Variants in STK38 observed in about 807,000 individuals in gnomAD.
The protein encoded by STK38 is serine/threonine kinase 38.
In STK38, 26 loss-of-function variants were observed where a neutral mutation model predicts 59.0. The ratio of observed to expected loss-of-function variants is 0.44; its 90% CI spans 0.32 to 0.61. The LOEUF (loss-of-function observed/expected upper bound fraction) is 0.61, where lower values mean the gene tolerates loss of function less well. STK38 is among the 20% of genes least tolerant of loss of function. The probability of loss-of-function intolerance (pLI) is 0.04; values close to 1 mark genes in which losing one functional copy is unlikely to be tolerated. For missense variants in STK38, 433 were observed against 566.0 expected (o/e 0.76, Z 2.38); for synonymous variants, 175 against 176.6 (o/e 0.99, Z 0.07).
rs770056422 is a variant in STK38, at chr6:36,540,073, T to C, written c.130A>G (p.Arg44Gly). ...LIAQHEEREM[R>G]QKKLEKVMEE... ...ATTTTTTCAAACAAAATTCTTTACC[T>C]CATTTCTCGTTCTTCATGTTGAGCG... Residue 44 changes from arginine (R) to glycine (G), a missense_variant and splice_region_variant, in exon 2 of 14, where the codon AGA (arginine) becomes GGA (glycine). Around this residue, in one of 3 missense-constraint regions of STK38, gnomAD observed 293 missense variants for 388.2 expected, o/e 0.75. Coordinates refer to ENST00000229812, the MANE Select transcript of STK38 (RefSeq NM_007271.4). The C allele has an allele frequency of 6.2e-7, 1 of 1,613,650 alleles. No individual in the cohort carries two copies. Among genetic ancestry groups the C allele is most frequent in the Non-Finnish European group, 8.5e-7 (1 of 1,179,768 alleles).
chr6:36,534,659 A>G (rs1212255134), intron 2 of STK38, among the ~76,000 whole-genome samples: 1 of 152,150 alleles, frequency 6.6e-6, no homozygotes, highest in Non-Finnish European at 1.5e-5. Flanking sequence ...TCTAAAAAAA[A>G]ACAATAAAAA....
chr6:36,541,548 C>T (rs1405422172), intron 1 of STK38, among the ~76,000 whole-genome samples: 10 of 152,130 alleles, frequency 6.6e-5, no homozygotes, highest in Admixed American at 6.5e-4. Flanking sequence ...TGAATATACA[C>T]AATAGAATTA....
intron 2 of STK38, among the ~76,000 whole-genome samples, chr6:36,536,937 T>A (rs1777806407): frequency 6.6e-6 from 1 of 151,464 alleles, no homozygotes; most frequent in Non-Finnish European, 1.5e-5. Flanking sequence ...ATTTCATCAA[T>A]ATTTAAAACC....
chr6:36,542,729 G>C (rs1777968696), intron 1 of STK38, among the ~76,000 whole-genome samples: 2 of 152,098 alleles, frequency 1.3e-5, no homozygotes, highest in Non-Finnish European at 2.9e-5. Context: ...CGAATCATCT[G>C]AGGTCAGGAG....
chr6:36,515,720 T>C (rs1777235393), intron 6 of STK38, among the ~76,000 whole-genome samples: 1 of 152,232 alleles, frequency 6.6e-6, no homozygotes. Context: ...TAAGCTGTGA[T>C]TTCTATTTTA....
Position 36,525,590 on chromosome 6 carries a change from C to A in STK38, c.183+1G>T. ...AGGAAAACATTGCCAATATTAATTA[C>A]CTCCTCATCTTTTAGGCCTTCTTCT... is the stretch of plus-strand genomic sequence containing the variant. On this transcript the variant is annotated splice_donor_variant, in intron 3 of 13. Transcript: ENST00000229812. LOFTEE classifies it high-confidence loss of function. 6.3e-7 allele frequency: 1 copy of A among 1,580,536 alleles called. No individual in the cohort carries two copies. Among genetic ancestry groups the A allele is most frequent in the Non-Finnish European group, 8.7e-7 (1 of 1,149,978 alleles).
intron 12 of STK38, 122 bp downstream of exon 12, chr6:36,497,658 A>T: frequency 1.3e-6 from 1 of 745,260 alleles, no homozygotes; most frequent in South Asian, 1.7e-5. Context: ...TCAGGAAAAG[A>T]CCCTAAATCT....
intron 11 of STK38, 57 bp downstream of exon 11, chr6:36,498,306 A>T: frequency 6.4e-7 from 1 of 1,572,248 alleles, no homozygotes; most frequent in Non-Finnish European, 8.6e-7. Context: ...TTTTAAAAAA[A>T]TGGAATCATT....
intron 1 of STK38, among the ~76,000 whole-genome samples, chr6:36,544,412 C>G (rs1159242542): frequency 1.3e-5 from 2 of 151,980 alleles, no homozygotes; most frequent in Non-Finnish European, 2.9e-5. Context: ...CTGTACCCCC[C>G]CCTCCACCCA....
intron 2 of STK38, among the ~76,000 whole-genome samples, chr6:36,538,508 C>G (rs1007554994): frequency 6.6e-6 from 1 of 152,142 alleles, no homozygotes; most frequent in African/African-American, 2.4e-5. Context: ...AAATTTTACA[C>G]CCTTCCCCAA....
In STK38 at chr6:36,495,224, A is replaced by C. The variant is rs1478563132; in HGVS notation, c.*560T>G. 2 of 153,818 alleles carry C rather than the reference A, an allele frequency of 1.3e-5. No individual in the cohort carries two copies. Among genetic ancestry groups the C allele is most frequent in the African/African-American group, 4.8e-5 (2 of 41,398 alleles). 9.5% of individuals were successfully genotyped at this position (153,818 alleles called of 1,614,324 possible). On this transcript the variant is annotated 3_prime_UTR_variant, in exon 14 of 14. Transcript: ENST00000229812. The stretch of plus-strand genomic sequence containing the variant: ...GCACCATGAATGGAGGCTATAAGCC[A>C]CTCGCCTGAGGCTGAGGTATGGGTA...
chr6:36,534,526 A>G (rs1010951590), intron 2 of STK38, among the ~76,000 whole-genome samples: 3 of 151,928 alleles, frequency 2.0e-5, no homozygotes, highest in African/African-American at 7.3e-5. Context: ...GGTGGCACAT[A>G]CCTATATTCC....
At chr6:36,524,868 T>C (rs968301322) in intron 3 of STK38, among the ~76,000 whole-genome samples, 4 of 152,236 alleles carry the variant, frequency 2.6e-5, no homozygotes, top group East Asian at 3.8e-4. Context: ...TCTACAAGTA[T>C]TGGGTATTTT....
Position 36,524,015 on chromosome 6 carries a change from T to A in STK38, c.306+326A>T, listed in dbSNP as rs557105670. ...TACCTTTAGAGTCTTAATTTCACCATCTATAAAATGGGTTACTGTCCTGAT... is the reference window on the plus strand; with the variant it reads ...TACCTTTAGAGTCTTAATTTCACCAACTATAAAATGGGTTACTGTCCTGAT... On this transcript the variant is annotated intron_variant, in intron 4 of 13. Coordinates refer to ENST00000229812, the MANE Select transcript of STK38 (RefSeq NM_007271.4). Among the ~76,000 whole-genome samples the A allele has an allele frequency of 6.6e-5, 10 of 152,256 alleles. No individual in the cohort carries two copies. In the South Asian group the frequency reaches 1.5e-3, roughly 22 times the overall value.
intron 2 of STK38, among the ~76,000 whole-genome samples, chr6:36,528,481 T>C (rs1211437961): frequency 6.6e-6 from 1 of 152,140 alleles, no homozygotes; most frequent in Admixed American, 6.5e-5. Flanking sequence ...CCTTAGAATT[T>C]CCTGTCTAGA....
In STK38 at chr6:36,494,549, CAA is replaced by C. The variant is rs1170342844; in HGVS notation, c.*1233_*1234del. The C allele has an allele frequency of 1.3e-5, 2 of 152,658 alleles. No individual in the cohort carries two copies. The highest frequency in any genetic ancestry group is 6.5e-5 in the Admixed American group (1 of 15,280). 9.5% of individuals were successfully genotyped at this position (152,658 alleles called of 1,614,324 possible). On this transcript the variant is annotated 3_prime_UTR_variant, in exon 14 of 14. Coordinates refer to ENST00000229812, the MANE Select transcript of STK38 (RefSeq NM_007271.4). Reference sequence around the variant, plus strand: ...TTGTGCTAAAATTCAGAGGGTCTCTCAAGAGAGAACGCCACAGCAGAGAGACC... The same window carrying C: ...TTGTGCTAAAATTCAGAGGGTCTCTCGAGAGAACGCCACAGCAGAGAGACC...
rs146693793 is a variant in STK38 at position 36,542,895 on chromosome 6, G to A, written c.-5-2688C>T. On this transcript the variant is annotated intron_variant, in intron 1 of 13. Transcript: ENST00000229812. ...CGGGAGGCAGAGGTTGCAGTGAGCCGAGATCATGCCACTGCACTCCACCTG... is the reference window on the plus strand; with the variant it reads ...CGGGAGGCAGAGGTTGCAGTGAGCCAAGATCATGCCACTGCACTCCACCTG... 2.4e-3 allele frequency among the ~76,000 whole-genome samples: 363 copies of A among 151,980 alleles called. 1 individual carries two copies. Among genetic ancestry groups the A allele is most frequent in the African/African-American group, 8.4e-3 (348 of 41,472 alleles).
chr6:36,504,927 GAAAGA>G (rs1327905712), intron 9 of STK38, among the ~76,000 whole-genome samples: 20 of 126,614 alleles, frequency 1.6e-4, no homozygotes, highest in African/African-American at 5.0e-4. Context: ...AAAAAAGAAA[GAAAGA>G]AAAGAAAGGA....
intron 9 of STK38, among the ~76,000 whole-genome samples, chr6:36,501,553 CTTT>C (rs61042158): frequency 1.5e-5 from 2 of 136,608 alleles, no homozygotes; most frequent in African/African-American, 2.7e-5. Context: ...GATCATTTGT[CTTT>C]TTTTTTTTTT....
Sources: allele counts gnomAD v4.1 joint callset (sites outside exome capture counted in the v4.1 genomes callset), GRCh38; gene constraint gnomAD v4.1.1; regional missense constraint gnomAD v4.1.1; transcripts MANE v1.5; gene names NCBI Gene and HGNC (gene_info 2026-07-23, HGNC 2026-07-21).